The following ZFP2 variants were observed in gnomAD, a reference collection of about 807,000 sequenced individuals.
ZFP2 encodes ZFP2 zinc finger protein.
Under a neutral mutation model 36.1 loss-of-function variants are expected in ZFP2, and 33 were observed. That is an observed-to-expected ratio of 0.92 (90% confidence interval 0.69 to 1.22). The LOEUF (loss-of-function observed/expected upper bound fraction) is 1.22. Among genes scored for constraint, ZFP2 ranks in the 50% most tolerant of loss-of-function variants. The pLI is 0.00. For synonymous variants in ZFP2, 170 were observed against 178.0 expected (o/e 0.96, Z 0.36); for missense variants, 522 against 551.4 (o/e 0.95, Z 0.53).
Position 178,932,097 on chromosome 5 carries a change from A to G in ZFP2, c.784A>G (p.Arg262Gly). Residue 262 changes from arginine (R) to glycine (G), a missense_variant, in exon 5 of 5, where the codon AGA becomes GGA. Coordinates refer to ENST00000361362, the MANE Select transcript of ZFP2 (RefSeq NM_030613.4). ...AAGCATGCATCTTATTGTACATCAG[A>G]GAAGCCATACTGGAGAAAAACCCTA... ...SQSMHLIVHQ[R>G]SHTGEKPYEC... 1 of 1,614,108 alleles carries G rather than the reference A, an allele frequency of 6.2e-7. No homozygotes were observed. Among genetic ancestry groups the G allele is most frequent in the Non-Finnish European group, 8.5e-7 (1 of 1,180,018 alleles).
At chr5:178,896,864 G>A (rs138961930) in intron 1 of ZFP2, among the ~76,000 whole-genome samples, 56 of 152,096 alleles carry the variant, frequency 3.7e-4, no homozygotes, top group Middle Eastern at 3.4e-3. Flanking sequence ...TTTTTTACTG[G>A]CCTAAACACC....
intron 4 of ZFP2, among the ~76,000 whole-genome samples, chr5:178,927,137 A>AATTC (rs1758691563): frequency 6.6e-6 from 1 of 152,080 alleles, no homozygotes. Context: ...GATCTAAGAA[A>AATTC]ATTCAAGTCT....
intron 4 of ZFP2, 44 bp downstream of exon 4, chr5:178,916,754 A>G (rs1403490126): frequency 6.1e-6 from 6 of 983,270 alleles, no homozygotes; most frequent in African/African-American, 1.7e-5. Flanking sequence ...ATTGGCTCTG[A>G]AAGGTGAAAT....
At chr5:178,916,882 TA>T (rs1758442486) in intron 4 of ZFP2, among the ~76,000 whole-genome samples, 172 bp downstream of exon 4, 1 of 152,238 alleles carries the variant, frequency 6.6e-6, no homozygotes, top group Non-Finnish European at 1.5e-5. Context: ...GTATATTTAG[TA>T]AAACTAGAAA....
chr5:178,903,127 A>G (rs1462142770), intron 1 of ZFP2, among the ~76,000 whole-genome samples: 1 of 152,210 alleles, frequency 6.6e-6, no homozygotes, highest in African/African-American at 2.4e-5. Flanking sequence ...AATAAAGTGT[A>G]ATTGTCAACT....
intron 1 of ZFP2, among the ~76,000 whole-genome samples, chr5:178,896,686 C>A (rs1049592790): frequency 2.6e-5 from 4 of 152,180 alleles, no homozygotes; most frequent in African/African-American, 9.7e-5. Flanking sequence ...AAATCTATCT[C>A]CATCTGCATG....
chr5:178,915,667 A>C (rs576254808), intron 3 of ZFP2: 1 of 149,708 alleles, frequency 6.7e-6, no homozygotes, highest in African/African-American at 2.5e-5. Context: ...ATCATTTTCC[A>C]TGTCTGTCTG....
chr5:178,909,832 C>T lies in ZFP2; in HGVS notation c.-449-2752C>T. On this transcript the variant is annotated intron_variant, in intron 1 of 4. Transcript: ENST00000361362. ...GTGTCGAAGAGATTTGGCCAGGCCTCATCTTCACTGTGGTTGCTGAGGTCA... is the reference window on the plus strand; with the variant it reads ...GTGTCGAAGAGATTTGGCCAGGCCTTATCTTCACTGTGGTTGCTGAGGTCA... 4.4e-6 allele frequency: 7 copies of T among 1,590,934 alleles called. 1 individual carries two copies. The East Asian group carries it at 6.7e-5, about 15-fold the overall frequency.
intron 4 of ZFP2, chr5:178,922,758 G>A: frequency 1.3e-6 from 2 of 1,527,706 alleles, no homozygotes; most frequent in Non-Finnish European, 1.8e-6. Flanking sequence ...TGCAGATTCT[G>A]TAAGGGCTGT....
At chr5:178,914,161 C>G (rs1201857166) in intron 3 of ZFP2, among the ~76,000 whole-genome samples, 1 of 152,096 alleles carries the variant, frequency 6.6e-6, no homozygotes, top group Non-Finnish European at 1.5e-5. Context: ...TGGCCCTAAT[C>G]ATTTCTTTGT....
chr5:178,915,619 G>GT (rs10625590), intron 3 of ZFP2: 28,050 of 148,334 alleles, frequency 0.19, 2,892 homozygotes, highest in African/African-American at 0.28. Context: ...CAGCTCACTT[G>GT]TTTTTTTTTT....
chr5:178,903,048 T>G (rs2113054491), intron 1 of ZFP2, among the ~76,000 whole-genome samples: 1 of 152,302 alleles, frequency 6.6e-6, no homozygotes, highest in East Asian at 1.9e-4. Flanking sequence ...TGTTGCTGCT[T>G]CTCTGAATTA....
intron 1 of ZFP2, among the ~76,000 whole-genome samples, chr5:178,897,729 T>C (rs971224238): frequency 6.6e-6 from 1 of 152,218 alleles, no homozygotes; most frequent in African/African-American, 2.4e-5. Context: ...ATTGATGCTT[T>C]TCCCTGTTCG....
intron 4 of ZFP2, among the ~76,000 whole-genome samples, chr5:178,920,299 G>T (rs1581838615): frequency 6.6e-6 from 1 of 151,790 alleles, no homozygotes; most frequent in Non-Finnish European, 1.5e-5. Flanking sequence ...GACCTATTTA[G>T]CAAGATTTCT....
intron 4 of ZFP2, among the ~76,000 whole-genome samples, chr5:178,920,995 A>T (rs1430103404): frequency 6.6e-6 from 1 of 152,196 alleles, no homozygotes; most frequent in Admixed American, 6.5e-5. Context: ...AACCTGGTTG[A>T]GCTCAGACTA....
intron 1 of ZFP2, among the ~76,000 whole-genome samples, chr5:178,904,731 C>T (rs1229758503): frequency 4.6e-5 from 5 of 108,824 alleles, no homozygotes; most frequent in African/African-American, 1.4e-4. Context: ...GAGACAGAGT[C>T]TTGCTCTGTC....
At chr5:178,925,952 A>T (rs1758660425) in intron 4 of ZFP2, among the ~76,000 whole-genome samples, 1 of 148,870 alleles carries the variant, frequency 6.7e-6, no homozygotes, top group Admixed American at 6.8e-5. Context: ...GGCTCAGGCG[A>T]TCCTCCCACC....
In ZFP2 at chr5:178,911,332, A is replaced by G. The variant is rs191097658; in HGVS notation, c.-449-1252A>G. On this transcript the variant is annotated intron_variant, in intron 1 of 4. Transcript: ENST00000361362. ...AGTCCTTCTTTCTCCACTACGGTTGACCCTTAAATAACACAAATTTGAACT... is the reference window on the plus strand; with the variant it reads ...AGTCCTTCTTTCTCCACTACGGTTGGCCCTTAAATAACACAAATTTGAACT... Among the ~76,000 whole-genome samples, 7 of 152,140 alleles carry G rather than the reference A, an allele frequency of 4.6e-5. No individual in the cohort carries two copies. In the East Asian group the frequency reaches 1.4e-3, roughly 29 times the overall value.
rs746829500 is a variant in ZFP2 at position 178,931,940 on chromosome 5, T to C, written c.627T>C (p.Thr209=). The change falls in exon 5 of 5, where the codon ACT becomes ACC. Residue 209 remains threonine (T), a synonymous_variant. Transcript: ENST00000361362. ...SSLIQHERIH[T]GEKPYKCNEC... ...TTATTCAGCATGAAAGGATTCATACTGGAGAGAAACCCTACAAATGTAATG... is the reference window on the plus strand; with the variant it reads ...TTATTCAGCATGAAAGGATTCATACCGGAGAGAAACCCTACAAATGTAATG... 4 of 1,614,038 alleles carry C rather than the reference T, an allele frequency of 2.5e-6. No homozygotes were observed. The Admixed American group carries it at 6.7e-5, about 27-fold the overall frequency.
Sources: gnomAD v4.1 joint callset for allele counts (sites outside exome capture counted in the v4.1 genomes callset) on GRCh38, gnomAD v4.1.1 for gene constraint, MANE v1.5 for transcripts, NCBI Gene and HGNC (gene_info 2026-07-23, HGNC 2026-07-21) for gene names.